The following CNTNAP5 variants were observed in gnomAD, a reference collection of about 807,000 sequenced individuals.
The protein encoded by CNTNAP5 is contactin-associated protein-like 5.
CNTNAP5 carries 72 observed loss-of-function variants against 150.2 expected under a neutral mutation model. The ratio of observed to expected loss-of-function variants is 0.48; its 90% CI spans 0.40 to 0.58. The LOEUF (loss-of-function observed/expected upper bound fraction) is 0.58. CNTNAP5 is among the 20% of genes least tolerant of loss of function. CNTNAP5 has a pLI of 0.00. For synonymous variants in CNTNAP5, 672 were observed against 619.8 expected, an observed-to-expected ratio of 1.08 and a Z score of -1.25; for missense variants, 1,636 against 1,626.2, an observed-to-expected ratio of 1.01 and a Z score of -0.10.
intron 1 of CNTNAP5, among the ~76,000 whole-genome samples, chr2:124,133,854 T>A (rs890396406): frequency 6.6e-6 from 1 of 152,144 alleles, no homozygotes; most frequent in Non-Finnish European, 1.5e-5. Context: ...AAAAACCCCA[T>A]AGTGTATATT....
At chr2:124,172,326 C>T (rs1684953255) in intron 1 of CNTNAP5, among the ~76,000 whole-genome samples, 1 of 152,020 alleles carries the variant, frequency 6.6e-6, no homozygotes, top group African/African-American at 2.4e-5. Context: ...TTCTAAATTC[C>T]AAAAACTTAG....
At chr2:124,078,476 G>T (rs1432771514) in intron 1 of CNTNAP5, among the ~76,000 whole-genome samples, 1 of 152,134 alleles carries the variant, frequency 6.6e-6, no homozygotes, top group Non-Finnish European at 1.5e-5. Context: ...TTGAATTCCA[G>T]TTCTTGCATA....
At chr2:124,449,838 C>G (rs999234715) in intron 6 of CNTNAP5, among the ~76,000 whole-genome samples, 1 of 152,068 alleles carries the variant, frequency 6.6e-6, no homozygotes, top group African/African-American at 2.4e-5. Context: ...ACAAGAGTTA[C>G]GTGTCAAGAG....
At chr2:124,124,668 G>T (rs1683643926) in intron 1 of CNTNAP5, among the ~76,000 whole-genome samples, 1 of 152,164 alleles carries the variant, frequency 6.6e-6, no homozygotes, top group Non-Finnish European at 1.5e-5. Context: ...AGAGAGAAAG[G>T]TCGGGTTACC....
intron 6 of CNTNAP5, among the ~76,000 whole-genome samples, chr2:124,466,097 A>C (rs984547362): frequency 1.3e-5 from 2 of 152,184 alleles, no homozygotes; most frequent in Admixed American, 6.6e-5. Context: ...CCTGAGGCCA[A>C]AATAAGCCTC....
chr2:124,899,558 A>T (rs1678374356), intron 21 of CNTNAP5, among the ~76,000 whole-genome samples: 1 of 151,676 alleles, frequency 6.6e-6, no homozygotes, highest in Non-Finnish European at 1.5e-5. Flanking sequence ...TTGGTTTCTT[A>T]AGGCAGTGAC....
At chr2:124,289,466 G>A (rs1052321288) in intron 3 of CNTNAP5, among the ~76,000 whole-genome samples, 1 of 152,102 alleles carries the variant, frequency 6.6e-6, no homozygotes, top group African/African-American at 2.4e-5. Context: ...AATGTATAAG[G>A]TTGTGAATAC....
intron 3 of CNTNAP5, among the ~76,000 whole-genome samples, chr2:124,250,348 T>C (rs1687142199): frequency 6.6e-6 from 1 of 152,088 alleles, no homozygotes; most frequent in African/African-American, 2.4e-5. Flanking sequence ...AAACTTTAAA[T>C]GGACTGAACC....
At position 124,707,070 on chromosome 2, in the gene CNTNAP5, GGAA is replaced by G. The variant is rs1459637648; in HGVS notation, c.2078-40147_2078-40145del. 1.6e-3 allele frequency among the ~76,000 whole-genome samples: 169 copies of G among 108,060 alleles called. 14 individuals are homozygous for G. Among genetic ancestry groups the G allele is most frequent in the Middle Eastern group, 5.4e-3 (1 of 184 alleles). The allele number at this position is 108,060 out of a possible 152,430, so 70.9% of individuals were successfully genotyped here. On this transcript the variant is annotated intron_variant, in intron 13 of 23. Transcript: ENST00000682447. ...GAGGAGGAGGAGGAGGAGAGGAAGA[GGAA>G]GAAGAAGAAGAGGAAGAAGAAGAAG...
chr2:124,243,125 T>C (rs1001136934), intron 3 of CNTNAP5, among the ~76,000 whole-genome samples: 3 of 152,174 alleles, frequency 2.0e-5, no homozygotes, highest in Non-Finnish European at 4.4e-5. Context: ...GTGAAGCAGA[T>C]AGCAAAAGTC....
At chr2:124,678,140 G>A (rs1330225745) in intron 13 of CNTNAP5, among the ~76,000 whole-genome samples, 2 of 151,672 alleles carry the variant, frequency 1.3e-5, no homozygotes, top group Non-Finnish European at 2.9e-5. Flanking sequence ...CTGTCATTTG[G>A]TGCACATGCC....
At chr2:124,681,092 C>G (rs1297738322) in intron 13 of CNTNAP5, among the ~76,000 whole-genome samples, 2 of 151,122 alleles carry the variant, frequency 1.3e-5, no homozygotes, top group African/African-American at 4.8e-5. Flanking sequence ...TGAGACCAGC[C>G]TGGCCAACAT....
At chr2:124,548,156 C>G (rs1695554340) in intron 10 of CNTNAP5, among the ~76,000 whole-genome samples, 1 of 152,168 alleles carries the variant, frequency 6.6e-6, no homozygotes, top group Non-Finnish European at 1.5e-5. Context: ...GTGTTTTCCT[C>G]TTTGTTTGTG....
intron 1 of CNTNAP5, among the ~76,000 whole-genome samples, chr2:124,119,506 A>G (rs564064541): frequency 2.6e-5 from 4 of 152,270 alleles, no homozygotes; most frequent in African/African-American, 7.2e-5. Context: ...TTCAATTTTT[A>G]AAAATTTTGT....
chr2:124,721,997 G>A (rs752598024), intron 13 of CNTNAP5, among the ~76,000 whole-genome samples: 8 of 151,950 alleles, frequency 5.3e-5, no homozygotes, highest in Non-Finnish European at 1.2e-4. Context: ...TTTATCTTCT[G>A]AAGATGAGGC....
intron 11 of CNTNAP5, among the ~76,000 whole-genome samples, chr2:124,569,706 G>T (rs145941818): frequency 3.0e-4 from 46 of 152,172 alleles, no homozygotes; most frequent in African/African-American, 9.6e-4. Flanking sequence ...TCCTAACAAT[G>T]CCCTTTAGCT....
intron 1 of CNTNAP5, among the ~76,000 whole-genome samples, chr2:124,196,388 T>C (rs1558796494): frequency 6.6e-6 from 1 of 152,192 alleles, no homozygotes; most frequent in Non-Finnish European, 1.5e-5. Context: ...GGAAGAAATA[T>C]TTTGAGGGTT....
rs140614402 is a variant in CNTNAP5 at position 124,575,001 on chromosome 2, T to C, written c.1756+11678T>C. Among the ~76,000 whole-genome samples the C allele has an allele frequency of 5.3e-5, 8 of 152,330 alleles. No homozygotes were observed. In the East Asian group the frequency reaches 1.5e-3, roughly 29 times the overall value. ...GGATAAATTCATGAATCAATGGGCGTGAAATCTCTCTGACAAGTATGATCA... is the reference window on the plus strand; with the variant it reads ...GGATAAATTCATGAATCAATGGGCGCGAAATCTCTCTGACAAGTATGATCA... On this transcript the variant is annotated intron_variant, in intron 11 of 23. Coordinates refer to ENST00000682447, the MANE Select transcript of CNTNAP5 (RefSeq NM_001367498.1).
chr2:124,626,802 C>T (rs755341100), intron 12 of CNTNAP5, among the ~76,000 whole-genome samples: 2 of 152,128 alleles, frequency 1.3e-5, no homozygotes, highest in Admixed American at 1.3e-4. Context: ...AGCTAAGAAC[C>T]ACTAGCTTGA....
Sources: allele counts gnomAD v4.1 joint callset (sites outside exome capture counted in the v4.1 genomes callset), GRCh38; gene constraint gnomAD v4.1.1; transcripts MANE v1.5; gene names NCBI Gene and HGNC (gene_info 2026-07-23, HGNC 2026-07-21).